Variants in PPIL2 observed in about 807,000 individuals in gnomAD.
PPIL2 encodes the protein RING-type E3 ubiquitin-protein ligase PPIL2.
A neutral mutation model predicts 75.2 loss-of-function variants in PPIL2; 50 were observed. The observed-to-expected ratio is 0.66, with a 90% confidence interval of 0.53 to 0.84. The LOEUF (loss-of-function observed/expected upper bound fraction) is 0.84, where lower values mean the gene tolerates loss of function less well. PPIL2 is among the 40% of genes least tolerant of loss of function. PPIL2 has a pLI of 0.00. For synonymous variants in PPIL2, 245 were observed against 258.8 expected (o/e 0.95, Z 0.51); for missense variants, 590 against 685.0 (o/e 0.86, Z 1.55).
intron 6 of PPIL2, 81 bp downstream of exon 6, chr22:21,675,196 C>A: frequency 1.5e-6 from 2 of 1,309,856 alleles, no homozygotes; most frequent in Non-Finnish European, 2.2e-6. Context: ...CATACGGAAT[C>A]AGTCATTGCT....
rs751445401 is a variant in PPIL2 at position 21,684,869 on chromosome 22, A to C, written c.670A>C (p.Thr224Pro). 5 of 1,613,988 alleles carry C rather than the reference A, an allele frequency of 3.1e-6. No homozygotes were observed. In the African/African-American group the frequency reaches 5.3e-5, roughly 17 times the overall value. ...EFKGDEILAA[T>P]MKAPEKKKVD... ...CAAAGGGGACGAGATTCTGGCAGCC[A>C]CCATGAAGGCCCCGGAGAAGAAGAA... is the stretch of plus-strand genomic sequence containing the variant. Residue 224 changes from threonine (T) to proline (P), a missense_variant, in exon 10 of 20, where the codon ACC becomes CCC. Physicochemically the swap from Thr to Pro is conservative, Grantham distance 38. Coordinates refer to ENST00000398831, the MANE Select transcript of PPIL2 (RefSeq NM_014337.4).
intron 16 of PPIL2, 113 bp downstream of exon 16, chr22:21,693,985 G>A (rs985547266): frequency 1.7e-6 from 2 of 1,146,626 alleles, no homozygotes; most frequent in African/African-American, 1.5e-5. Context: ...TGCCATGCTG[G>A]CCATCACTGC....
intron 12 of PPIL2, among the ~76,000 whole-genome samples, chr22:21,687,297 G>A (rs751665006): frequency 1.2e-4 from 19 of 152,192 alleles, no homozygotes; most frequent in Non-Finnish European, 2.4e-4. Context: ...GTTGCTTAAT[G>A]TTGTGGGTCC....
chr22:21,672,846 G>A (rs1486619993), intron 5 of PPIL2, among the ~76,000 whole-genome samples: 1 of 152,136 alleles, frequency 6.6e-6, no homozygotes, highest in South Asian at 2.1e-4. Context: ...CAAACTGTGC[G>A]AGACGGAGGG....
At chr22:21,692,308 A>C (rs1376788684) in intron 15 of PPIL2, among the ~76,000 whole-genome samples, 3 of 151,688 alleles carry the variant, frequency 2.0e-5, no homozygotes, top group East Asian at 2.0e-4. Flanking sequence ...GGCGCCCGCC[A>C]CACGCCTGGC....
chr22:21,688,780 A>C lies in PPIL2; in HGVS notation c.1070A>C (p.Asn357Thr). ...CCCTTCAAAGACGAGTTCCGGCCCA[A>C]CCTCTCGCACACGGGCCGCGGCATC... ...GKPFKDEFRPNLSHTGRGILS... is the reference protein window; with the variant it reads ...GKPFKDEFRPTLSHTGRGILS... Residue 357 changes from asparagine (N) to threonine (T), a missense_variant, in exon 15 of 20, where the codon AAC becomes ACC. By Grantham distance (65) the Asn-to-Thr change is moderately conservative. Coordinates refer to ENST00000398831, the MANE Select transcript of PPIL2 (RefSeq NM_014337.4). The C allele has an allele frequency of 6.2e-7, 1 of 1,613,866 alleles. No homozygotes were observed. Among genetic ancestry groups the C allele is most frequent in the Non-Finnish European group, 8.5e-7 (1 of 1,179,942 alleles).
At chr22:21,697,928 A>G (rs1351089931), downstream of PPIL2, 1 of 152,384 alleles carries the variant, frequency 6.6e-6, no homozygotes, top group Non-Finnish European at 1.5e-5. Context: ...CAATTCTAAT[A>G]TCTGACAGAT....
At position 21,687,629 on chromosome 22, in the gene PPIL2, G is replaced by A. The variant is rs931014621; in HGVS notation, c.898-14G>A. 1.9e-6 allele frequency: 3 copies of A among 1,577,122 alleles called. No individual in the cohort carries two copies. In the African/African-American group the frequency reaches 4.1e-5, roughly 21 times the overall value. On this transcript the variant is annotated splice_polypyrimidine_tract_variant and intron_variant, in intron 12 of 19. Transcript: ENST00000398831. ...AGCTCTCTGCTTCATACAAGTATTG[G>A]GGCTATGTTGCAGACACCAAAAACC...
chr22:21,670,790 T>C, intron 3 of PPIL2, 179 bp downstream of exon 3: 1 of 843,330 alleles, frequency 1.2e-6, no homozygotes, highest in Non-Finnish European at 2.0e-6. Flanking sequence ...CTTGCCTTGG[T>C]GTTGGATCCT....
intron 15 of PPIL2, among the ~76,000 whole-genome samples, chr22:21,690,998 CTT>C (rs2067602664): frequency 9.2e-6 from 1 of 108,968 alleles, no homozygotes; most frequent in Non-Finnish European, 1.7e-5. Flanking sequence ...GAGTTTCACT[CTT>C]GTCACCCAGG....
At chr22:21,685,772 A>C in intron 10 of PPIL2, 2 of 372,396 alleles carry the variant, frequency 5.4e-6, no homozygotes, top group Non-Finnish European at 1.1e-5. Flanking sequence ...GATGGGAGAA[A>C]CCCCTTTTTC....
chr22:21,684,900 A>G lies in PPIL2; in HGVS notation c.701A>G (p.Asp234Gly). The G allele has an allele frequency of 6.2e-7, 1 of 1,613,978 alleles. No individual in the cohort carries two copies. The highest frequency in any genetic ancestry group is 8.5e-7 in the Non-Finnish European group (1 of 1,179,862). Residue 234 changes from aspartate to glycine, a missense_variant, in exon 10 of 20, where the codon GAC becomes GGC. Asp to Gly is a moderately conservative substitution (Grantham distance 94). Transcript: ENST00000398831. ...TMKAPEKKKVDKLNAAHYSTG... is the reference protein window; with the variant it reads ...TMKAPEKKKVGKLNAAHYSTG... ...AAGGCCCCGGAGAAGAAGAAAGTGG[A>G]CAAGCTGAACGCTGTGAGTGGCGGA...
chr22:21,692,268 G>C (rs1019515310), intron 15 of PPIL2, among the ~76,000 whole-genome samples: 7 of 151,690 alleles, frequency 4.6e-5, no homozygotes, highest in Admixed American at 4.6e-4. Flanking sequence ...CCATTCTCCT[G>C]CCTCAGCCTC....
intron 5 of PPIL2, among the ~76,000 whole-genome samples, chr22:21,673,778 A>T (rs2066727552): frequency 4.6e-5 from 7 of 152,194 alleles, no homozygotes; most frequent in Admixed American, 2.6e-4. Context: ...CTTGCTAGCC[A>T]AACCTCTGAG....
intron 1 of PPIL2, among the ~76,000 whole-genome samples, chr22:21,669,111 A>C (rs1276504660): frequency 6.6e-6 from 1 of 151,320 alleles, no homozygotes; most frequent in Non-Finnish European, 1.5e-5. Flanking sequence ...GGCCTCCCAA[A>C]GTGCTGGGAT....
In PPIL2 at chr22:21,681,205, G is replaced by A. The variant is rs1056289821; in HGVS notation, c.296-94G>A. On this transcript the variant is annotated intron_variant, in intron 6 of 19. Coordinates refer to ENST00000398831, the MANE Select transcript of PPIL2 (RefSeq NM_014337.4). ...TCCACCTCCTCCCATCGCTGACTTT[G>A]GAGTTCTGTCCTGCCCTGGCCCTCT... The A allele has an allele frequency of 3.9e-6, 4 of 1,022,436 alleles. No individual in the cohort carries two copies. The East Asian group carries it at 9.6e-5, about 25-fold the overall frequency. The allele number at this position is 1,022,436 out of a possible 1,614,324, so 63.3% of individuals were successfully genotyped here. A position where few individuals can be genotyped will look rare whatever the true frequency, so the allele number is the denominator to read the frequency against.
chr22:21,671,637 C>T (rs1433800987), intron 4 of PPIL2, among the ~76,000 whole-genome samples: 7 of 151,992 alleles, frequency 4.6e-5, no homozygotes, highest in Admixed American at 6.6e-5. Context: ...TGAACTCCTG[C>T]GCTGAAGCAG....
intron 6 of PPIL2, 21 bp downstream of exon 6, chr22:21,675,136 C>A (rs1476305365): frequency 6.2e-7 from 1 of 1,606,444 alleles, no homozygotes; most frequent in African/African-American, 1.3e-5. Flanking sequence ...CTATCACAGC[C>A]AATTCTGGGC....
chr22:21,669,987 C>T (rs766034410), intron 2 of PPIL2, 25 bp downstream of exon 2: 2 of 1,604,858 alleles, frequency 1.2e-6, no homozygotes, highest in South Asian at 2.2e-5. Context: ...CTTTCTGTTC[C>T]CCGTTGGGGG....
Sources: gnomAD v4.1 joint callset for allele counts (sites outside exome capture counted in the v4.1 genomes callset) on GRCh38, gnomAD v4.1.1 for gene constraint, MANE v1.5 for transcripts, NCBI Gene and HGNC (gene_info 2026-07-23, HGNC 2026-07-21) for gene names.